HACE1: variants seen among roughly 807,000 people sequenced by gnomAD.
HACE1 encodes E3 ubiquitin-protein ligase HACE1.
A neutral mutation model predicts 118.4 loss-of-function variants in HACE1; 73 were observed. The observed-to-expected ratio is 0.62, with a 90% CI of 0.51 to 0.75. The LOEUF (loss-of-function observed/expected upper bound fraction) is 0.75. Among genes scored for constraint, HACE1 ranks in the 30% least tolerant of loss-of-function variants. The pLI is 0.00. For missense variants in HACE1, 749 were observed against 1,102.2 expected (o/e 0.68, Z 4.54); for synonymous variants, 368 against 374.8 (o/e 0.98, Z 0.21).
chr6:104,814,399 G>C (rs1236151041), intron 6 of HACE1, among the ~76,000 whole-genome samples: 1 of 138,250 alleles, frequency 7.2e-6, no homozygotes, highest in Admixed American at 7.1e-5. Flanking sequence ...AAAATTGTAA[G>C]ATAAATTATA....
At chr6:104,808,567 A>G (rs1771273063) in intron 7 of HACE1, among the ~76,000 whole-genome samples, 1 of 152,202 alleles carries the variant, frequency 6.6e-6, no homozygotes, top group African/African-American at 2.4e-5. Context: ...GCAAAATTCA[A>G]ATACAAAGAA....
intron 7 of HACE1, among the ~76,000 whole-genome samples, chr6:104,802,036 A>C (rs984038549): frequency 7.1e-5 from 10 of 141,188 alleles, no homozygotes; most frequent in African/African-American, 2.8e-4. Flanking sequence ...GAAAAGCCAA[A>C]AAAAAAAAAA....
chr6:104,843,919 C>T (rs1775357578), intron 4 of HACE1, among the ~76,000 whole-genome samples: 1 of 151,184 alleles, frequency 6.6e-6, no homozygotes, highest in South Asian at 2.1e-4. Context: ...AATGCAGTGG[C>T]ACGCTTGGTT....
At chr6:104,823,873 A>G (rs1401818743) in intron 6 of HACE1, among the ~76,000 whole-genome samples, 1 of 152,184 alleles carries the variant, frequency 6.6e-6, no homozygotes, top group East Asian at 1.9e-4. Flanking sequence ...TAATAAGAAA[A>G]GCTGCTAGGA....
intron 20 of HACE1, among the ~76,000 whole-genome samples, chr6:104,748,905 T>C (rs1777738783): frequency 6.6e-6 from 1 of 152,112 alleles, no homozygotes; most frequent in Non-Finnish European, 1.5e-5. Flanking sequence ...TGGAGGGAGA[T>C]GACAGAGTGA....
chr6:104,766,285 G>A (rs1780010365), intron 19 of HACE1, among the ~76,000 whole-genome samples: 1 of 152,144 alleles, frequency 6.6e-6, no homozygotes, highest in South Asian at 2.1e-4. Context: ...AGGGGGCTGG[G>A]AGGGTCTTTT....
At chr6:104,854,122 A>G (rs1776498907) in intron 1 of HACE1, among the ~76,000 whole-genome samples, 1 of 152,176 alleles carries the variant, frequency 6.6e-6, no homozygotes. Flanking sequence ...ACTTCAATCT[A>G]ATCATGAGAA....
intron 6 of HACE1, among the ~76,000 whole-genome samples, chr6:104,812,148 C>T (rs1225294434): frequency 6.6e-6 from 1 of 152,008 alleles, no homozygotes; most frequent in Non-Finnish European, 1.5e-5. Context: ...TGGTTTTATT[C>T]CTAAAATCCT....
chr6:104,784,595 A>AAT, intron 12 of HACE1, 110 bp from the exon 13 acceptor site: 1 of 735,932 alleles, frequency 1.4e-6, no homozygotes, highest in Non-Finnish European at 2.3e-6. Context: ...CAAAAAAAAA[A>AAT]GAATTTGGTT....
rs570392487 is a variant in HACE1 at position 104,775,610 on chromosome 6, T to C, written c.1864+1131A>G. Among the ~76,000 whole-genome samples, 63 of 152,266 alleles carry C rather than the reference T, an allele frequency of 4.1e-4. 1 individual carries two copies. The South Asian group carries it at 7.2e-3, about 18-fold the overall frequency. On this transcript the variant is annotated intron_variant, in intron 17 of 23. Transcript: ENST00000262903. The stretch of plus-strand genomic sequence containing the variant: ...GATTAGGCCTAAATAATTAAACTCA[T>C]GACTTCACTGAACTCGTCATTCACA...
chr6:104,750,304 G>T (rs1161253030), intron 20 of HACE1, 37 bp downstream of exon 20: 1 of 1,567,758 alleles, frequency 6.4e-7, no homozygotes, highest in Non-Finnish European at 8.8e-7. Context: ...GTTTTTTGTT[G>T]TTGTGTTACA....
chr6:104,744,617 G>A lies in HACE1; in HGVS notation c.2344-7C>T, dbSNP rs1777202241. The A allele has an allele frequency of 6.7e-7, 1 of 1,482,026 alleles. No individual in the cohort carries two copies. Among genetic ancestry groups the A allele is most frequent in the East Asian group, 2.3e-5 (1 of 44,138 alleles). The allele number at this position is 1,482,026 out of a possible 1,614,324, so 91.8% of individuals were successfully genotyped here. On this transcript the variant is annotated splice_polypyrimidine_tract_variant and splice_region_variant and intron_variant, in intron 20 of 23. Coordinates refer to ENST00000262903, the MANE Select transcript of HACE1 (RefSeq NM_020771.4). ...TGCCAGAAAGCAGTAGCTCCTTGGG[G>A]GAAGAAGAAAAATATTTCAATAATT...
At chr6:104,833,290 T>C (rs971184595) in intron 5 of HACE1, 117 bp from the exon 6 acceptor site, 2 of 909,596 alleles carry the variant, frequency 2.2e-6, no homozygotes, top group African/African-American at 1.6e-5. Context: ...TAAAGGTGTT[T>C]TAAGTCCATG....
chr6:104,775,059 T>G (rs554246961), intron 17 of HACE1, among the ~76,000 whole-genome samples: 180 of 152,282 alleles, frequency 1.2e-3, no homozygotes, highest in Non-Finnish European at 1.9e-3. Context: ...TCAAAATGTT[T>G]GGCCAGACGT....
intron 5 of HACE1, among the ~76,000 whole-genome samples, chr6:104,838,774 G>GA (rs1774792216): frequency 1.4e-5 from 2 of 147,936 alleles, no homozygotes; most frequent in East Asian, 2.1e-4. Flanking sequence ...CACAGGAAAG[G>GA]AAAAAATCAA....
chr6:104,746,991 GA>G, intron 20 of HACE1, among the ~76,000 whole-genome samples: 1 of 151,596 alleles, frequency 6.6e-6, no homozygotes, highest in Middle Eastern at 3.2e-3. Flanking sequence ...TAATTGTTAC[GA>G]TTTTTTTTCA....
intron 22 of HACE1, among the ~76,000 whole-genome samples, chr6:104,742,062 AG>A (rs1776798169): frequency 7.0e-6 from 1 of 142,184 alleles, no homozygotes; most frequent in Admixed American, 7.0e-5. Context: ...CAATGGGGAA[AG>A]GATTCCCTAT....
At position 104,772,001 on chromosome 6, in the gene HACE1, C is replaced by T. The variant is rs757775202; in HGVS notation, c.1938G>A (p.Gln646=). 2 of 1,609,608 alleles carry T rather than the reference C, an allele frequency of 1.2e-6. No homozygotes were observed. The highest frequency in any genetic ancestry group is 1.7e-6 in the Non-Finnish European group (2 of 1,176,050). ...DHLNYFRFAG[Q]ILGLALNHRQ... ...TGTGGTTCAACGCTAATCCCAAGAT[C>T]TGCCCAGCAAACCGAAAATAGTTCA... The change falls in exon 18 of 24, where the codon CAG becomes CAA. Residue 646 remains glutamine (Q), a synonymous_variant. Transcript: ENST00000262903.
intron 6 of HACE1, among the ~76,000 whole-genome samples, chr6:104,825,319 G>A (rs1190799254): frequency 6.6e-6 from 1 of 152,092 alleles, no homozygotes; most frequent in African/African-American, 2.4e-5. Context: ...CGAGGCAGAT[G>A]GGAAATTGAA....
Sources: allele counts gnomAD v4.1 joint callset (sites outside exome capture counted in the v4.1 genomes callset), GRCh38; gene constraint gnomAD v4.1.1; transcripts MANE v1.5; gene names NCBI Gene and HGNC (gene_info 2026-07-23, HGNC 2026-07-21).